PTGR1: variants seen among roughly 807,000 people sequenced by gnomAD.
PTGR1 encodes prostaglandin reductase 1.
In PTGR1, 23 loss-of-function variants were observed where a neutral mutation model predicts 37.7. The ratio of observed to expected loss-of-function variants is 0.61; its 90% CI spans 0.44 to 0.86. The LOEUF (loss-of-function observed/expected upper bound fraction) is 0.86, where lower values mean the gene tolerates loss of function less well. PTGR1 is among the 40% of genes least tolerant of loss of function. The pLI, the probability that PTGR1 is intolerant of heterozygous loss-of-function variation, is 0.00. For missense variants in PTGR1, 351 were observed against 394.3 expected, an observed-to-expected ratio of 0.89 and a Z score of 0.93; for synonymous variants, 134 against 140.0, an observed-to-expected ratio of 0.96 and a Z score of 0.30.
At chr9:111,573,438 G>A (rs1210342377) in intron 8 of PTGR1, among the ~76,000 whole-genome samples, 2 of 152,146 alleles carry the variant, frequency 1.3e-5, no homozygotes, top group Non-Finnish European at 2.9e-5. Flanking sequence ...GTTGTGTGGT[G>A]GTTAACCAGT....
intron 1 of PTGR1, among the ~76,000 whole-genome samples, chr9:111,598,089 A>C (rs1488737373): frequency 2.0e-5 from 3 of 151,790 alleles, no homozygotes; most frequent in Non-Finnish European, 4.4e-5. Flanking sequence ...CGGTCTCCCA[A>C]AGTGCTGGGA....
intron 4 of PTGR1, chr9:111,592,631 G>A: frequency 3.7e-6 from 1 of 272,698 alleles, no homozygotes; most frequent in Non-Finnish European, 6.8e-6. Context: ...CTGTTGCATT[G>A]TGGGCTGCTG....
intron 1 of PTGR1, 147 bp from the exon 2 acceptor site, chr9:111,597,579 T>A: frequency 1.7e-6 from 1 of 600,146 alleles, no homozygotes; most frequent in Non-Finnish European, 3.0e-6. Flanking sequence ...TCATTTAACA[T>A]TTACTATGTT....
intron 1 of PTGR1, among the ~76,000 whole-genome samples, chr9:111,599,178 C>T (rs1299854440): frequency 1.3e-5 from 2 of 152,050 alleles, no homozygotes; most frequent in African/African-American, 4.8e-5. Context: ...CGGCGCCCGG[C>T]CTTTGCCCGC....
chr9:111,598,279 C>G (rs537169895), intron 1 of PTGR1, among the ~76,000 whole-genome samples: 1 of 152,276 alleles, frequency 6.6e-6, no homozygotes, highest in South Asian at 2.1e-4. Flanking sequence ...GGACTGAACT[C>G]TGCCGAATCA....
intron 8 of PTGR1, among the ~76,000 whole-genome samples, chr9:111,571,140 G>A (rs1208821086): frequency 6.7e-6 from 1 of 149,878 alleles, no homozygotes; most frequent in Non-Finnish European, 1.5e-5. Flanking sequence ...GGGGTCGGGT[G>A]CGTGGCTCAT....
At chr9:111,584,376 CA>C (rs1459960481) in intron 5 of PTGR1, among the ~76,000 whole-genome samples, 1 of 152,182 alleles carries the variant, frequency 6.6e-6, no homozygotes, top group Non-Finnish European at 1.5e-5. Flanking sequence ...GTAGAGGGTA[CA>C]GGGCGGGCAG....
chr9:111,583,141 C>T (rs1453537193), intron 6 of PTGR1, among the ~76,000 whole-genome samples: 4 of 152,244 alleles, frequency 2.6e-5, no homozygotes, highest in Non-Finnish European at 5.9e-5. Context: ...TCTCAAGTCC[C>T]TTCTTCTATT....
chr9:111,566,060 G>A (rs941859299), intron 9 of PTGR1, among the ~76,000 whole-genome samples: 4 of 152,000 alleles, frequency 2.6e-5, no homozygotes, highest in Non-Finnish European at 5.9e-5. Flanking sequence ...AAAAATAGCC[G>A]AGAATGGTGG....
intron 9 of PTGR1, among the ~76,000 whole-genome samples, chr9:111,552,760 T>A (rs1828006776): frequency 1.3e-5 from 2 of 152,164 alleles, no homozygotes. Context: ...ATACTTGAAA[T>A]TTTTCAAGAT....
intron 5 of PTGR1, among the ~76,000 whole-genome samples, chr9:111,585,548 G>A (rs1829403390): frequency 6.6e-6 from 1 of 152,132 alleles, no homozygotes. Flanking sequence ...GGGCATGGTG[G>A]GTCTAACTGA....
At chr9:111,563,383 T>C (rs1828398885) in intron 9 of PTGR1, 152 bp from the exon 10 acceptor site, 1 of 693,460 alleles carries the variant, frequency 1.4e-6, no homozygotes, top group Admixed American at 3.0e-5. Context: ...GAAGTCAAGG[T>C]GGGGCAAGAT....
chr9:111,588,801 C>T (rs1829520337), intron 4 of PTGR1, among the ~76,000 whole-genome samples: 1 of 152,184 alleles, frequency 6.6e-6, no homozygotes, highest in Non-Finnish European at 1.5e-5. Context: ...ACTGAGATTA[C>T]AGGCGTGAGC....
intron 6 of PTGR1, among the ~76,000 whole-genome samples, chr9:111,580,485 G>A (rs4978446): frequency 0.051 from 7,715 of 152,206 alleles, 350 homozygotes; most frequent in East Asian, 0.15. Flanking sequence ...GCCAGGCGCG[G>A]TGGCTCACGC....
chr9:111,590,900 A>T (rs1829590888), intron 4 of PTGR1, among the ~76,000 whole-genome samples: 1 of 152,228 alleles, frequency 6.6e-6, no homozygotes, highest in Non-Finnish European at 1.5e-5. Flanking sequence ...ACTTGCAGCT[A>T]TTAAAAGGTA....
At chr9:111,570,509 ACCTGTAAT>A (rs1828769864) in intron 8 of PTGR1, among the ~76,000 whole-genome samples, 4 of 152,068 alleles carry the variant, frequency 2.6e-5, no homozygotes, top group Admixed American at 2.6e-4. Flanking sequence ...GGTGGCTCAC[ACCTGTAAT>A]CCCAGCATTT....
intron 9 of PTGR1, among the ~76,000 whole-genome samples, chr9:111,556,448 A>G (rs1025338059): frequency 2.0e-5 from 3 of 152,218 alleles, no homozygotes; most frequent in African/African-American, 7.2e-5. Flanking sequence ...ATCCCTCTGC[A>G]CTGCCGTAGT....
chr9:111,598,008 TA>T (rs969040160), intron 1 of PTGR1, among the ~76,000 whole-genome samples: 3 of 145,046 alleles, frequency 2.1e-5, no homozygotes, highest in Admixed American at 6.9e-5. Flanking sequence ...TTTTTTTTTT[TA>T]AATACTTTTT....
chr9:111,561,148 GGAGAGAGAGA>G (rs527553902), downstream of PTGR1, among the ~76,000 whole-genome samples: 1,194 of 34,692 alleles, frequency 0.034, 57 homozygotes, highest in Middle Eastern at 0.14. Flanking sequence ...GGAGAGAGAG[GGAGAGAGAGA>G]GAGAGAGAGA....
Sources: gnomAD v4.1 joint callset for allele counts (sites outside exome capture counted in the v4.1 genomes callset) on GRCh38, gnomAD v4.1.1 for gene constraint, MANE v1.5 for transcripts, NCBI Gene and HGNC (gene_info 2026-07-23, HGNC 2026-07-21) for gene names.